The following DPP10 variants were observed in gnomAD, a reference collection of about 807,000 sequenced individuals.
DPP10 encodes dipeptidyl peptidase like 10.
Under a neutral mutation model 120.9 loss-of-function variants are expected in DPP10, and 33 were observed. The observed-to-expected ratio is 0.27, with a 90% CI of 0.21 to 0.37. The LOEUF (loss-of-function observed/expected upper bound fraction) is 0.37. Among genes scored for constraint, DPP10 ranks in the 10% least tolerant of loss-of-function variants. The probability of loss-of-function intolerance (pLI) is 1.00; values close to 1 mark genes in which losing one functional copy is unlikely to be tolerated. For synonymous variants in DPP10, 337 were observed against 326.1 expected (o/e 1.03, Z -0.36); for missense variants, 816 against 942.8 (o/e 0.87, Z 1.76).
At chr2:115,012,027 C>G (rs1014215640) in intron 1 of DPP10, among the ~76,000 whole-genome samples, 1 of 152,074 alleles carries the variant, frequency 6.6e-6, no homozygotes. Context: ...CCCTACTTCC[C>G]TGGCAACCTG....
chr2:114,716,504 C>G (rs1701356583), intron 1 of DPP10, among the ~76,000 whole-genome samples: 1 of 152,122 alleles, frequency 6.6e-6, no homozygotes, highest in Non-Finnish European at 1.5e-5. Flanking sequence ...ACACAGGAAA[C>G]TGGGCTTCGT....
chr2:115,625,725 G>A (rs2149298165), intron 5 of DPP10, among the ~76,000 whole-genome samples: 1 of 152,132 alleles, frequency 6.6e-6, no homozygotes, highest in Admixed American at 6.6e-5. Context: ...AAATGCCTAG[G>A]GTTTTAAATT....
intron 3 of DPP10, among the ~76,000 whole-genome samples, chr2:115,486,370 A>G (rs923216706): frequency 8.5e-5 from 13 of 152,178 alleles, no homozygotes; most frequent in Admixed American, 7.2e-4. Context: ...GAGATTAAAC[A>G]TGTTTGTCAA....
intron 1 of DPP10, among the ~76,000 whole-genome samples, chr2:114,523,316 G>A (rs1685230394): frequency 6.6e-6 from 1 of 152,162 alleles, no homozygotes; most frequent in African/African-American, 2.4e-5. Flanking sequence ...ATAAATAGGG[G>A]TGTAACTTTA....
At chr2:114,606,444 C>A (rs1692809944) in intron 1 of DPP10, among the ~76,000 whole-genome samples, 1 of 152,106 alleles carries the variant, frequency 6.6e-6, no homozygotes, top group South Asian at 2.1e-4. Context: ...AAGGATTTGC[C>A]TGCCCTAGAG....
At chr2:115,198,853 C>T (rs188607909) in intron 1 of DPP10, among the ~76,000 whole-genome samples, 258 of 152,234 alleles carry the variant, frequency 1.7e-3, no homozygotes, top group African/African-American at 5.8e-3. Context: ...TGAGTGCTTA[C>T]CATCATTATT....
chr2:115,507,741 T>C (rs575401955), intron 4 of DPP10, among the ~76,000 whole-genome samples: 2 of 152,288 alleles, frequency 1.3e-5, no homozygotes, highest in Non-Finnish European at 2.9e-5. Context: ...TGGCAATACC[T>C]AAGTCATATT....
At chr2:115,490,372 A>C (rs1407340749) in intron 3 of DPP10, among the ~76,000 whole-genome samples, 1 of 151,910 alleles carries the variant, frequency 6.6e-6, no homozygotes, top group East Asian at 2.0e-4. Context: ...TATCAGGACA[A>C]CAGCATGGGG....
chr2:114,530,499 G>T (rs1041124794), intron 1 of DPP10, among the ~76,000 whole-genome samples: 3 of 152,094 alleles, frequency 2.0e-5, no homozygotes, highest in Non-Finnish European at 2.9e-5. Context: ...AATAAACATA[G>T]CCCACAGTCA....
At chr2:115,666,829 T>G (rs1040542120) in intron 5 of DPP10, among the ~76,000 whole-genome samples, 1 of 152,182 alleles carries the variant, frequency 6.6e-6, no homozygotes, top group Non-Finnish European at 1.5e-5. Flanking sequence ...GAAAAATCAC[T>G]AAATTGCCTC....
chr2:114,633,971 A>G lies in DPP10; in HGVS notation c.60+191133A>G, dbSNP rs1403942292. Among the ~76,000 whole-genome samples the G allele has an allele frequency of 1.3e-5, 2 of 151,874 alleles. 1 individual carries two copies. Among genetic ancestry groups the G allele is most frequent in the African/African-American group, 4.9e-5 (2 of 41,172 alleles). On this transcript the variant is annotated intron_variant, in intron 1 of 25. Transcript: ENST00000410059. ...ACAATTTGCTTTATCCTAATTGTTT[A>G]TATGTGTGTATTACTATTAAATTTA... is the stretch of plus-strand genomic sequence containing the variant.
chr2:115,369,590 G>A (rs189469399), intron 3 of DPP10, among the ~76,000 whole-genome samples: 377 of 152,168 alleles, frequency 2.5e-3, no homozygotes, highest in African/African-American at 8.2e-3. Context: ...TGGGTGTTAC[G>A]TAATACTGGA....
At chr2:115,363,269 GT>G (rs1235044955) in intron 3 of DPP10, among the ~76,000 whole-genome samples, 2 of 152,116 alleles carry the variant, frequency 1.3e-5, no homozygotes, top group Non-Finnish European at 2.9e-5. Flanking sequence ...TGATAAAATA[GT>G]TTGTTTGCAC....
chr2:115,053,677 TA>T (rs1705683131), intron 1 of DPP10, among the ~76,000 whole-genome samples: 1 of 152,236 alleles, frequency 6.6e-6, no homozygotes, highest in African/African-American at 2.4e-5. Context: ...ATATACATAC[TA>T]ATATGGAAAA....
intron 1 of DPP10, among the ~76,000 whole-genome samples, chr2:114,456,059 A>T (rs929428514): frequency 2.0e-5 from 3 of 152,118 alleles, no homozygotes; most frequent in Non-Finnish European, 2.9e-5. Flanking sequence ...CCATCATTAT[A>T]TGCTGACAGG....
At chr2:115,641,236 C>A (rs962692046) in intron 5 of DPP10, among the ~76,000 whole-genome samples, 1 of 152,120 alleles carries the variant, frequency 6.6e-6, no homozygotes, top group Non-Finnish European at 1.5e-5. Context: ...AAGAGTCCAT[C>A]GTCTACTCAA....
intron 1 of DPP10, among the ~76,000 whole-genome samples, chr2:114,526,571 G>GA (rs969485378): frequency 6.6e-6 from 1 of 151,966 alleles, no homozygotes; most frequent in Non-Finnish European, 1.5e-5. Context: ...ATGGTTTAAA[G>GA]AAAAAAACAG....
At chr2:115,017,123 G>A (rs1268807816) in intron 1 of DPP10, among the ~76,000 whole-genome samples, 1 of 150,024 alleles carries the variant, frequency 6.7e-6, no homozygotes, top group Non-Finnish European at 1.5e-5. Context: ...TGAGTTAATG[G>A]GTGCAGCACA....
At chr2:114,882,863 A>G (rs1230319930) in intron 1 of DPP10, among the ~76,000 whole-genome samples, 4 of 152,294 alleles carry the variant, frequency 2.6e-5, no homozygotes, top group Admixed American at 2.6e-4. Context: ...GGAGAAAAAA[A>G]CAAATCTTAT....
Sources: gnomAD v4.1 joint callset for allele counts (sites outside exome capture counted in the v4.1 genomes callset) on GRCh38, gnomAD v4.1.1 for gene constraint, MANE v1.5 for transcripts, NCBI Gene and HGNC (gene_info 2026-07-23, HGNC 2026-07-21) for gene names.